NASP: variants seen among roughly 807,000 people sequenced by gnomAD.
NASP encodes nuclear autoantigenic sperm protein, also known as NASP histone chaperone.
NASP carries 24 observed loss-of-function variants against 89.5 expected under a neutral mutation model. That is an observed-to-expected ratio of 0.27 (90% CI 0.19 to 0.38). The LOEUF (loss-of-function observed/expected upper bound fraction) is 0.38. Among genes scored for constraint, NASP ranks in the 10% least tolerant of loss-of-function variants. NASP has a pLI of 1.00. For missense variants in NASP, 848 were observed against 921.4 expected (o/e 0.92, Z 1.03); for synonymous variants, 306 against 324.7 (o/e 0.94, Z 0.62).
At chr1:45,600,539 T>C in intron 2 of NASP, 1 of 850,690 alleles carries the variant, frequency 1.2e-6, no homozygotes, top group South Asian at 3.4e-5. Context: ...CCTGTATTAA[T>C]AGTTCATTCT....
chr1:45,593,535 C>CAA (rs1197658183), intron 2 of NASP, among the ~76,000 whole-genome samples: 953 of 81,998 alleles, frequency 0.012, 1 homozygote, highest in East Asian at 0.025. Context: ...TGTCCCCCCC[C>CAA]AAAAAAAAAA....
chr1:45,597,298 C>CTTTTTTT lies in NASP; in HGVS notation c.108-4939_108-4933dup, dbSNP rs71056314. 8.9e-4 allele frequency among the ~76,000 whole-genome samples: 89 copies of CTTTTTTT among 99,858 alleles called. 2 individuals are homozygous for CTTTTTTT. The highest frequency in any genetic ancestry group is 1.3e-3 in the Non-Finnish European group (73 of 55,364). 65.5% of individuals were successfully genotyped at this position (99,858 alleles called of 152,430 possible). ...CTCTAGCCTGGGCGACAGAGCAAGA[C>CTTTTTTT]TTTTTTTTTTTTTTTTTTTTTTTTA... is the stretch of plus-strand genomic sequence containing the variant. On this transcript the variant is annotated intron_variant, in intron 2 of 14. Transcript: ENST00000350030.
At chr1:45,616,780 C>CTA in intron 13 of NASP, 77 bp downstream of exon 13, 1 of 1,345,350 alleles carries the variant, frequency 7.4e-7, no homozygotes. Flanking sequence ...AAACCCCTCC[C>CTA]TATAGTTGGT....
intron 1 of NASP, among the ~76,000 whole-genome samples, chr1:45,589,483 T>C (rs951682765): frequency 6.6e-6 from 1 of 152,164 alleles, no homozygotes; most frequent in Non-Finnish European, 1.5e-5. Context: ...TTCCCTATCA[T>C]TTCCTCTAGT....
intron 7 of NASP, 56 bp from the exon 8 acceptor site, chr1:45,614,040 T>G: frequency 3.0e-6 from 4 of 1,341,476 alleles, no homozygotes; most frequent in Non-Finnish European, 4.2e-6. Context: ...AAGTTATACA[T>G]TTAGATTTGT....
At chr1:45,600,760 A>G (rs1374390605) in intron 2 of NASP, among the ~76,000 whole-genome samples, 2 of 152,172 alleles carry the variant, frequency 1.3e-5, no homozygotes, top group African/African-American at 2.4e-5. Flanking sequence ...GAAACGTCCA[A>G]ACTGTTTTCT....
At chr1:45,613,745 C>T (rs1644056355) in intron 7 of NASP, among the ~76,000 whole-genome samples, 1 of 152,158 alleles carries the variant, frequency 6.6e-6, no homozygotes, top group Admixed American at 6.5e-5. Flanking sequence ...GCCTCAGCCT[C>T]CCAAAGTGTT....
intron 4 of NASP, 142 bp downstream of exon 4, chr1:45,605,158 A>G: frequency 1.5e-6 from 1 of 674,530 alleles, no homozygotes; most frequent in South Asian, 1.8e-5. Context: ...TGTGAATGGC[A>G]CTTGATACAA....
chr1:45,586,686 A>G (rs1029894204), intron 1 of NASP, among the ~76,000 whole-genome samples: 6 of 152,194 alleles, frequency 3.9e-5, no homozygotes, highest in African/African-American at 7.2e-5. Flanking sequence ...TAGTGGGGAC[A>G]CTTAGAGGTA....
chr1:45,612,865 G>A, intron 6 of NASP: 1 of 211,942 alleles, frequency 4.7e-6, no homozygotes, highest in Non-Finnish European at 9.3e-6. Flanking sequence ...TCTAGCCATT[G>A]AATAAGAGGC....
intron 1 of NASP, among the ~76,000 whole-genome samples, chr1:45,588,249 G>T (rs993229034): frequency 1.3e-5 from 2 of 151,716 alleles, no homozygotes; most frequent in East Asian, 2.0e-4. Context: ...GATTACAGGC[G>T]CCCGCCACCA....
intron 10 of NASP, 32 bp downstream of exon 10, chr1:45,615,233 T>C (rs1406520605): frequency 1.2e-6 from 2 of 1,612,266 alleles, no homozygotes; most frequent in South Asian, 1.1e-5. Context: ...CATGGTGATG[T>C]TGGATCCAGC....
At chr1:45,612,287 C>T (rs960716352) in intron 6 of NASP, 1 of 152,102 alleles carries the variant, frequency 6.6e-6, no homozygotes, top group Non-Finnish European at 1.5e-5. Context: ...TTTATATTCC[C>T]ATAGTAAGAG....
intron 1 of NASP, among the ~76,000 whole-genome samples, chr1:45,586,211 T>G (rs894783188): frequency 6.6e-6 from 1 of 150,538 alleles, no homozygotes; most frequent in African/African-American, 2.5e-5. Context: ...AGTGATGCCA[T>G]CTCGGCCCCC....
chr1:45,605,213 A>G (rs1643892558), intron 4 of NASP, among the ~76,000 whole-genome samples, 197 bp downstream of exon 4: 1 of 152,228 alleles, frequency 6.6e-6, no homozygotes, highest in Non-Finnish European at 1.5e-5. Flanking sequence ...CAGTAGAAGC[A>G]AAGTTCTTTC....
intron 2 of NASP, among the ~76,000 whole-genome samples, chr1:45,599,267 T>C (rs892863825): frequency 5.9e-5 from 9 of 152,254 alleles, no homozygotes; most frequent in African/African-American, 1.9e-4. Context: ...TAACGGGGAC[T>C]ACAGGTGCAT....
intron 1 of NASP, among the ~76,000 whole-genome samples, chr1:45,586,531 C>T (rs1332760507): frequency 6.6e-6 from 1 of 152,044 alleles, no homozygotes; most frequent in Non-Finnish European, 1.5e-5. Context: ...TCAAGGGATC[C>T]ACCCACGTGG....
intron 3 of NASP, among the ~76,000 whole-genome samples, chr1:45,603,127 T>C (rs1411126722): frequency 6.6e-6 from 1 of 152,214 alleles, no homozygotes; most frequent in Non-Finnish European, 1.5e-5. Context: ...TATAGACCTA[T>C]ATCCTGGAGG....
At chr1:45,585,726 G>A (rs961303282) in intron 1 of NASP, among the ~76,000 whole-genome samples, 2 of 152,144 alleles carry the variant, frequency 1.3e-5, no homozygotes, top group African/African-American at 4.8e-5. Flanking sequence ...GTAGTGTTGT[G>A]ATCATAGCTC....
Sources: allele counts gnomAD v4.1 joint callset (sites outside exome capture counted in the v4.1 genomes callset), GRCh38; gene constraint gnomAD v4.1.1; transcripts MANE v1.5; gene names NCBI Gene and HGNC (gene_info 2026-07-23, HGNC 2026-07-21).